The following KCNIP4 variants were observed in gnomAD, a reference collection of about 807,000 sequenced individuals.
KCNIP4 encodes the protein potassium voltage-gated channel interacting protein 4.
KCNIP4 carries 12 observed loss-of-function variants against 34.0 expected under a neutral mutation model. The observed-to-expected ratio is 0.35, with a 90% CI of 0.23 to 0.57. The LOEUF (loss-of-function observed/expected upper bound fraction) is 0.57. Ranked by LOEUF, KCNIP4 falls within the 20% of genes least tolerant of loss-of-function variation. The probability of loss-of-function intolerance (pLI) is 0.83; values close to 1 mark genes in which losing one functional copy is unlikely to be tolerated. For missense variants in KCNIP4, 238 were observed against 311.7 expected, an observed-to-expected ratio of 0.76 and a Z score of 1.78; for synonymous variants, 124 against 102.2, an observed-to-expected ratio of 1.21 and a Z score of -1.29.
At chr4:20,803,945 T>A (rs1714746110) in intron 3 of KCNIP4, among the ~76,000 whole-genome samples, 1 of 152,192 alleles carries the variant, frequency 6.6e-6, no homozygotes, top group Admixed American at 6.5e-5. Flanking sequence ...TCTAAGCAAG[T>A]TATTTAATAT....
In KCNIP4 at chr4:20,976,332, G is replaced by A. The variant is rs151314559; in HGVS notation, c.62-93623C>T. Among the ~76,000 whole-genome samples the A allele has an allele frequency of 4.4e-3, 675 of 152,186 alleles. 10 individuals are homozygous for A. Among genetic ancestry groups the A allele is most frequent in the African/African-American group, 0.016 (650 of 41,516 alleles). On this transcript the variant is annotated intron_variant, in intron 1 of 8. Coordinates refer to ENST00000382152, the MANE Select transcript of KCNIP4 (RefSeq NM_025221.6). ...GATTCTGAAGCATTCTTCAGAGAAC[G>A]GTAGTCAAACTCAAGAAACTGGAAC...
intron 1 of KCNIP4, among the ~76,000 whole-genome samples, chr4:21,818,456 T>C (rs1032719561): frequency 2.0e-5 from 3 of 152,208 alleles, no homozygotes; most frequent in South Asian, 2.1e-4. Context: ...CTGCCCTAAT[T>C]GAAAACCCCT....
intron 1 of KCNIP4, among the ~76,000 whole-genome samples, chr4:21,201,425 C>G (rs1460682827): frequency 1.3e-5 from 2 of 152,152 alleles, no homozygotes; most frequent in African/African-American, 4.8e-5. Context: ...TGTAGAACTC[C>G]TAAGTGCTCA....
At chr4:20,730,237 T>TCATCAACCACCTCA in intron 8 of KCNIP4, 108 bp from the exon 9 acceptor site, 1 of 1,332,832 alleles carries the variant, frequency 7.5e-7, no homozygotes, top group Non-Finnish European at 1.0e-6. Flanking sequence ...CAACCACCTA[T>TCATCAACCACCTCA]GCCAAAAGCT....
At chr4:21,588,109 A>G (rs1326338121) in intron 1 of KCNIP4, among the ~76,000 whole-genome samples, 1 of 152,074 alleles carries the variant, frequency 6.6e-6, no homozygotes, top group Non-Finnish European at 1.5e-5. Context: ...GCCCTTAAAT[A>G]TTTAAAGACA....
At chr4:21,166,381 AACTG>A (rs1325323864) in intron 1 of KCNIP4, among the ~76,000 whole-genome samples, 5 of 152,190 alleles carry the variant, frequency 3.3e-5, no homozygotes, top group Non-Finnish European at 7.3e-5. Context: ...ACTCCTGGTA[AACTG>A]ACTAAGTTAA....
chr4:21,194,673 A>G lies in KCNIP4; in HGVS notation c.62-311964T>C, dbSNP rs1755926835. Among the ~76,000 whole-genome samples, 3 of 152,128 alleles carry G rather than the reference A, an allele frequency of 2.0e-5. No individual in the cohort carries two copies. The South Asian group carries it at 6.2e-4, about 32-fold the overall frequency. ...AATCTAGCTCATGAGACCATCCCAC[A>G]CTACCCCCATGCGCTTTGCCTTCCC... On this transcript the variant is annotated intron_variant, in intron 1 of 8. Coordinates refer to ENST00000382152, the MANE Select transcript of KCNIP4 (RefSeq NM_025221.6).
intron 1 of KCNIP4, among the ~76,000 whole-genome samples, chr4:21,236,125 C>T (rs1028866139): frequency 8.5e-5 from 13 of 152,072 alleles, no homozygotes; most frequent in Middle Eastern, 3.4e-3. Flanking sequence ...TAAAATCCTG[C>T]CTCTACAAGA....
intron 1 of KCNIP4, among the ~76,000 whole-genome samples, chr4:21,700,281 A>G (rs1712726504): frequency 6.6e-6 from 1 of 152,194 alleles, no homozygotes; most frequent in Non-Finnish European, 1.5e-5. Context: ...TAGCCATTCT[A>G]ACAGATATGC....
intron 1 of KCNIP4, among the ~76,000 whole-genome samples, chr4:20,885,123 G>A (rs542073881): frequency 6.6e-6 from 1 of 152,144 alleles, no homozygotes; most frequent in African/African-American, 2.4e-5. Context: ...GCTAACTTTG[G>A]GAGAAATTTA....
chr4:21,077,269 T>G (rs1745573329), intron 1 of KCNIP4, among the ~76,000 whole-genome samples: 2 of 152,148 alleles, frequency 1.3e-5, no homozygotes, highest in South Asian at 4.1e-4. Context: ...AAGGGTTAAT[T>G]TATGATTCTT....
At chr4:20,814,806 G>A (rs536726892) in intron 3 of KCNIP4, among the ~76,000 whole-genome samples, 7 of 152,102 alleles carry the variant, frequency 4.6e-5, no homozygotes, top group Non-Finnish European at 7.3e-5. Flanking sequence ...ATTATAGGAC[G>A]ACCTGGAGAA....
chr4:21,664,058 G>A (rs376712739), intron 1 of KCNIP4, among the ~76,000 whole-genome samples: 4 of 152,110 alleles, frequency 2.6e-5, no homozygotes, highest in African/African-American at 9.6e-5. Context: ...GCTTTCTCTT[G>A]CCTCAGCCTC....
chr4:21,516,638 G>A (rs950694767), intron 1 of KCNIP4, among the ~76,000 whole-genome samples: 1 of 152,194 alleles, frequency 6.6e-6, no homozygotes, highest in Non-Finnish European at 1.5e-5. Flanking sequence ...CTCAGCACGA[G>A]TCAGAAAATC....
At chr4:21,808,107 C>T (rs1296853419) in intron 1 of KCNIP4, among the ~76,000 whole-genome samples, 2 of 152,064 alleles carry the variant, frequency 1.3e-5, no homozygotes. Context: ...TATCATATAT[C>T]ATAGGGTAGA....
intron 1 of KCNIP4, among the ~76,000 whole-genome samples, chr4:21,789,153 A>G (rs1720108474): frequency 6.6e-6 from 1 of 151,352 alleles, no homozygotes; most frequent in South Asian, 2.1e-4. Context: ...TGGTGCAGGT[A>G]TTACAACTCA....
At chr4:20,865,606 G>T (rs922284613) in intron 2 of KCNIP4, among the ~76,000 whole-genome samples, 2 of 151,818 alleles carry the variant, frequency 1.3e-5, no homozygotes, top group Non-Finnish European at 2.9e-5. Context: ...TAAGCAAAAC[G>T]CAGAGAAAGA....
intron 1 of KCNIP4, among the ~76,000 whole-genome samples, chr4:20,958,133 T>C (rs1733497086): frequency 6.6e-6 from 1 of 152,336 alleles, no homozygotes; most frequent in African/African-American, 2.4e-5. Context: ...TCAATAAGCA[T>C]TCATAGGAAA....
At position 21,948,676 on chromosome 4, in the gene KCNIP4, GCCAGGGGCGTCTGT is replaced by G; in HGVS notation, c.-59_-46del. On this transcript the variant is annotated 5_prime_UTR_variant, in exon 1 of 9. Coordinates refer to ENST00000382152, the MANE Select transcript of KCNIP4 (RefSeq NM_025221.6). Reference sequence around the variant, plus strand: ...AGAAGCGAGACTCGAGAGTCCACCGGCCAGGGGCGTCTGTCCACGGGTCTGCACGGGAGCGCACC... The same window carrying G: ...AGAAGCGAGACTCGAGAGTCCACCGGCCACGGGTCTGCACGGGAGCGCACC... 1 of 1,596,922 alleles carries G rather than the reference GCCAGGGGCGTCTGT, an allele frequency of 6.3e-7. No homozygotes were observed.
Sources: gnomAD v4.1 joint callset for allele counts (sites outside exome capture counted in the v4.1 genomes callset) on GRCh38, gnomAD v4.1.1 for gene constraint, MANE v1.5 for transcripts, NCBI Gene and HGNC (gene_info 2026-07-23, HGNC 2026-07-21) for gene names.